Variants in CNTN4 observed in about 807,000 individuals in gnomAD.
CNTN4 encodes the protein contactin 4.
A neutral mutation model predicts 122.5 loss-of-function variants in CNTN4; 77 were observed. That is an observed-to-expected ratio of 0.63 (90% confidence interval 0.52 to 0.76). The LOEUF (loss-of-function observed/expected upper bound fraction) is 0.76, where lower values mean the gene tolerates loss of function less well. Ranked by LOEUF, CNTN4 falls within the 30% of genes least tolerant of loss-of-function variation. The pLI is 0.00. For synonymous variants in CNTN4, 512 were observed against 447.0 expected, an observed-to-expected ratio of 1.15 and a Z score of -1.83; for missense variants, 1,256 against 1,259.1, an observed-to-expected ratio of 1.00 and a Z score of 0.04.
intron 15 of CNTN4, among the ~76,000 whole-genome samples, chr3:3,029,139 G>A (rs952168701): frequency 6.6e-6 from 1 of 152,144 alleles, no homozygotes; most frequent in Non-Finnish European, 1.5e-5. Context: ...GACTTGATCC[G>A]TAAACAGTGG....
At chr3:2,939,361 G>A (rs1382027192) in intron 13 of CNTN4, among the ~76,000 whole-genome samples, 7 of 152,132 alleles carry the variant, frequency 4.6e-5, no homozygotes, top group Admixed American at 4.6e-4. Context: ...TAGAGTAGGT[G>A]TGTGTGGGTG....
intron 12 of CNTN4, among the ~76,000 whole-genome samples, chr3:2,913,957 C>T (rs1300939163): frequency 6.6e-6 from 1 of 152,068 alleles, no homozygotes; most frequent in Non-Finnish European, 1.5e-5. Flanking sequence ...TACGTAATAT[C>T]CTCTCGGACT....
chr3:2,680,849 C>T lies in CNTN4; in HGVS notation c.56-55366C>T, dbSNP rs144670269. Among the ~76,000 whole-genome samples the T allele has an allele frequency of 2.6e-3, 392 of 152,220 alleles. 3 individuals carry two copies. Among genetic ancestry groups the T allele is most frequent in the African/African-American group, 9.0e-3 (375 of 41,548 alleles). ...TAACAGTAACAGTAATTTACTAATA[C>T]TAATTCTCTTTGGTGGTAGATTGAC... On this transcript the variant is annotated intron_variant, in intron 4 of 24. Coordinates refer to ENST00000418658, the MANE Select transcript of CNTN4 (RefSeq NM_175607.3).
intron 4 of CNTN4, among the ~76,000 whole-genome samples, chr3:2,678,161 A>T (rs2084973647): frequency 6.6e-6 from 1 of 152,130 alleles, no homozygotes; most frequent in South Asian, 2.1e-4. Context: ...TACCACTCTT[A>T]TTGTAGTGAT....
chr3:2,141,269 A>T (rs2125334438), intron 2 of CNTN4, among the ~76,000 whole-genome samples: 1 of 152,332 alleles, frequency 6.6e-6, no homozygotes, highest in Admixed American at 6.5e-5. Flanking sequence ...TCTTAAAATG[A>T]GGAAAAAATT....
intron 4 of CNTN4, among the ~76,000 whole-genome samples, chr3:2,727,752 CAAAG>C (rs1380769533): frequency 2.0e-5 from 3 of 152,162 alleles, no homozygotes; most frequent in Non-Finnish European, 4.4e-5. Context: ...AACAAGAGAA[CAAAG>C]AAATCGTCTG....
chr3:2,365,089 T>C (rs1310961899), intron 3 of CNTN4, among the ~76,000 whole-genome samples: 1 of 151,730 alleles, frequency 6.6e-6, no homozygotes, highest in Non-Finnish European at 1.5e-5. Context: ...ATGGTTGTTC[T>C]TTGGTTTAAT....
At chr3:2,347,246 G>A (rs1720175) in intron 3 of CNTN4, among the ~76,000 whole-genome samples, 138,391 of 152,094 alleles carry the variant, frequency 0.91, 63,398 homozygotes, top group East Asian at 1. Context: ...CTCTGTCTTG[G>A]TGGAGGCACC....
intron 2 of CNTN4, among the ~76,000 whole-genome samples, chr3:2,169,531 C>T (rs201240236): frequency 6.7e-6 from 1 of 148,878 alleles, no homozygotes; most frequent in African/African-American, 2.5e-5. Flanking sequence ...CTCAGCCTCC[C>T]GAGTAGCTGG....
At chr3:2,745,751 A>T in intron 6 of CNTN4, 54 bp downstream of exon 6, 10 of 1,508,910 alleles carry the variant, frequency 6.6e-6, no homozygotes, top group Non-Finnish European at 9.2e-6. Flanking sequence ...GTGTACCATT[A>T]TACCAATAAG....
intron 15 of CNTN4, among the ~76,000 whole-genome samples, chr3:3,029,864 A>G (rs1371559665): frequency 6.6e-6 from 1 of 152,228 alleles, no homozygotes; most frequent in Non-Finnish European, 1.5e-5. Context: ...CCTGTCATAT[A>G]GTAAATACCA....
chr3:2,351,914 G>T (rs1317412154), intron 3 of CNTN4, among the ~76,000 whole-genome samples: 1 of 152,214 alleles, frequency 6.6e-6, no homozygotes. Flanking sequence ...ATAGCAAGGT[G>T]ACTATAATCA....
Position 2,809,249 on chromosome 3 carries a change from T to G in CNTN4, c.359-10237T>G, listed in dbSNP as rs543639709. On this transcript the variant is annotated intron_variant, in intron 6 of 24. Transcript: ENST00000418658. The stretch of plus-strand genomic sequence containing the variant: ...GTCACGGTTGACTTTACTTAAGCCC[T>G]CAGGTAATGCTGCTCTGAAGAAGGG... Among the ~76,000 whole-genome samples the G allele has an allele frequency of 2.6e-5, 4 of 152,326 alleles. No individual in the cohort carries two copies. In the South Asian group the frequency reaches 6.2e-4, roughly 24 times the overall value.
chr3:2,788,971 C>CT (rs200076619), intron 6 of CNTN4, among the ~76,000 whole-genome samples: 17 of 151,666 alleles, frequency 1.1e-4, no homozygotes, highest in Admixed American at 1.1e-3. Flanking sequence ...TTCTATCTGT[C>CT]TTTTTTTTTC....
rs891936126 is a variant in CNTN4, at chr3:3,048,244, C to CA, written c.2811+4547dup. ...AAAAATATTCAGGAAAAAAAACACA[C>CA]AAAAAAATACAATGAAAATGACACA... On this transcript the variant is annotated intron_variant, in intron 23 of 24. Transcript: ENST00000418658. Among the ~76,000 whole-genome samples the CA allele has an allele frequency of 2.6e-5, 4 of 151,778 alleles. No individual in the cohort carries two copies. In the East Asian group the frequency reaches 7.7e-4, roughly 29 times the overall value.
chr3:2,839,424 A>G (rs923444296), intron 7 of CNTN4, among the ~76,000 whole-genome samples: 3 of 152,224 alleles, frequency 2.0e-5, no homozygotes, highest in Admixed American at 6.5e-5. Flanking sequence ...AAAAAAAAAA[A>G]AAGACAGTGG....
chr3:2,432,975 G>GT (rs1478749487), intron 3 of CNTN4, among the ~76,000 whole-genome samples: 1 of 150,716 alleles, frequency 6.6e-6, no homozygotes, highest in Non-Finnish European at 1.5e-5. Flanking sequence ...CAGCTCATTT[G>GT]TTTTTTTGTT....
chr3:2,567,279 G>A, intron 3 of CNTN4, among the ~76,000 whole-genome samples: 1 of 151,814 alleles, frequency 6.6e-6, no homozygotes, highest in East Asian at 1.9e-4. Flanking sequence ...GTAGAGATGG[G>A]GTTTTGCCGT....
chr3:2,383,103 C>T (rs751294928), intron 3 of CNTN4, among the ~76,000 whole-genome samples: 20 of 151,622 alleles, frequency 1.3e-4, no homozygotes, highest in Non-Finnish European at 1.9e-4. Flanking sequence ...AGATAAATAG[C>T]TTCATTGACA....
Sources: gnomAD v4.1 joint callset for allele counts (sites outside exome capture counted in the v4.1 genomes callset) on GRCh38, gnomAD v4.1.1 for gene constraint, MANE v1.5 for transcripts, NCBI Gene and HGNC (gene_info 2026-07-23, HGNC 2026-07-21) for gene names.